The following PCNT variants were observed in gnomAD, a reference collection of about 807,000 sequenced individuals.
PCNT encodes the protein pericentrin, also known as kendrin.
PCNT carries 319 observed loss-of-function variants against 380.4 expected under a neutral mutation model. The observed-to-expected ratio is 0.84, with a 90% CI of 0.77 to 0.92. The LOEUF (loss-of-function observed/expected upper bound fraction) is 0.92. Among genes scored for constraint, PCNT ranks in the 40% least tolerant of loss-of-function variants. The pLI, the probability that PCNT is intolerant of heterozygous loss-of-function variation, is 0.00. For missense variants in PCNT, 4,400 were observed against 4,255.3 expected (o/e 1.03, Z -0.95); for synonymous variants, 1,845 against 1,735.2 (o/e 1.06, Z -1.57).
At position 46,367,158 on chromosome 21, in the gene PCNT, GC is replaced by G; in HGVS notation, c.3165+23del. 1 of 1,606,602 alleles carries G rather than the reference GC, an allele frequency of 6.2e-7. No individual in the cohort carries two copies. Among genetic ancestry groups the G allele is most frequent in the Non-Finnish European group, 8.5e-7 (1 of 1,177,600 alleles). On this transcript the variant is annotated intron_variant, in intron 15 of 46. Coordinates refer to ENST00000359568, the MANE Select transcript of PCNT (RefSeq NM_006031.6). ...GCACCAGGTAAGGCGCCAGGGCCCT[GC>G]CCCAGCCCAGGGCAGGCCTCTCCTC...
chr21:46,387,836 C>T (rs747816060), intron 17 of PCNT, among the ~76,000 whole-genome samples: 15 of 152,164 alleles, frequency 9.9e-5, no homozygotes, highest in Non-Finnish European at 2.2e-4. Flanking sequence ...CTGTCCTCAG[C>T]GGCGTCACAG....
intron 41 of PCNT, 81 bp downstream of exon 41, chr21:46,438,418 G>A: frequency 7.6e-7 from 1 of 1,322,632 alleles, no homozygotes; most frequent in Non-Finnish European, 1.1e-6. Flanking sequence ...AAGAGGCCGG[G>A]CTCCCTTTAG....
chr21:46,378,489 C>G (rs904049530), intron 15 of PCNT, among the ~76,000 whole-genome samples: 1 of 152,180 alleles, frequency 6.6e-6, no homozygotes, highest in African/African-American at 2.4e-5. Context: ...CACCGAGATG[C>G]CTGCGTGTGG....
chr21:46,346,291 G>T, intron 4 of PCNT, 83 bp downstream of exon 4: 1 of 701,828 alleles, frequency 1.4e-6, no homozygotes, highest in Non-Finnish European at 2.5e-6. Context: ...GTGGGGGTGG[G>T]GTGGGCGCTG....
At chr21:46,389,139 C>T (rs953238131) in intron 18 of PCNT, 60 bp from the exon 19 acceptor site, 18 of 1,529,120 alleles carry the variant, frequency 1.2e-5, no homozygotes, top group Non-Finnish European at 1.4e-5. Flanking sequence ...GTCTTGGCTG[C>T]CATGGCCGCG....
At position 46,326,422 on chromosome 21, in the gene PCNT, T is replaced by G; in HGVS notation, c.100T>G (p.Ser34Ala). The G allele has an allele frequency of 6.2e-7, 1 of 1,614,212 alleles. No individual in the cohort carries two copies. The highest frequency in any genetic ancestry group is 8.5e-7 in the Non-Finnish European group (1 of 1,180,038). ...AAAAACAAAAGGTGACAGTTCGCATTCGGAGAAAAAGACGGCGAAGAGGAA... is the reference window on the plus strand; with the variant it reads ...AAAAACAAAAGGTGACAGTTCGCATGCGGAGAAAAAGACGGCGAAGAGGAA... ...QRKTKGDSSH[S>A]EKKTAKRKGS... The change falls in exon 2 of 47, where the codon TCG becomes GCG. Residue 34 changes from serine (S) to alanine (A), a missense_variant. Transcript: ENST00000359568.
intron 36 of PCNT, 86 bp downstream of exon 36, chr21:46,430,318 C>G (rs2087696237): frequency 6.9e-7 from 1 of 1,439,286 alleles, no homozygotes; most frequent in African/African-American, 1.4e-5. Flanking sequence ...GACAGAACCT[C>G]TGGTGGGCCG....
intron 25 of PCNT, 65 bp downstream of exon 25, chr21:46,399,861 T>G: frequency 7.1e-7 from 1 of 1,407,602 alleles, no homozygotes; most frequent in Non-Finnish European, 1.0e-6. Flanking sequence ...GCTTCATCGC[T>G]GAGCTGGCAG....
chr21:46,445,473 C>T lies in PCNT; in HGVS notation c.*146C>T. The T allele has an allele frequency of 1.3e-6, 1 of 751,040 alleles. No individual in the cohort carries two copies. The highest frequency in any genetic ancestry group is 2.4e-6 in the Non-Finnish European group (1 of 409,472). 46.5% of individuals were successfully genotyped at this position (751,040 alleles called of 1,614,324 possible). On this transcript the variant is annotated 3_prime_UTR_variant, in exon 47 of 47. Transcript: ENST00000359568. ...CCCCCAGATGCCTTGAATTAAGTGT[C>T]CTCACCTTTATGCATGACTGCAAAG...
At chr21:46,386,261 C>T (rs1177697455) in intron 17 of PCNT, among the ~76,000 whole-genome samples, 2 of 152,338 alleles carry the variant, frequency 1.3e-5, no homozygotes, top group South Asian at 2.1e-4. Context: ...TAAAACCAGC[C>T]GTTATCTCCC....
intron 15 of PCNT, among the ~76,000 whole-genome samples, chr21:46,375,578 G>T (rs1408048714): frequency 1.3e-5 from 2 of 151,184 alleles, no homozygotes; most frequent in Non-Finnish European, 3.0e-5. Context: ...CTGCCAGGGG[G>T]TTGCAGGAAG....
chr21:46,422,140 GC>G lies in PCNT; in HGVS notation c.7179+17del. 6.2e-7 allele frequency: 1 copy of G among 1,612,854 alleles called. No individual in the cohort carries two copies. ...GCACGTGAAGGTATGGCTGGCAGGGGCGGCCCTCACAGCTTCACATGTGCAG... is the reference window on the plus strand; with the variant it reads ...GCACGTGAAGGTATGGCTGGCAGGGGGGCCCTCACAGCTTCACATGTGCAG... On this transcript the variant is annotated intron_variant, in intron 32 of 46. Coordinates refer to ENST00000359568, the MANE Select transcript of PCNT (RefSeq NM_006031.6).
chr21:46,346,755 C>T lies in PCNT; in HGVS notation c.733C>T (p.Leu245Phe). 3 of 1,598,158 alleles carry T rather than the reference C, an allele frequency of 1.9e-6. No individual in the cohort carries two copies. Among genetic ancestry groups the T allele is most frequent in the Non-Finnish European group, 2.6e-6 (3 of 1,173,542 alleles). The change falls in exon 5 of 47, where the codon CTT (leucine) becomes TTT (phenylalanine). Residue 245 changes from leucine (L) to phenylalanine (F), a missense_variant. Physicochemically the swap from Leu to Phe is conservative, Grantham distance 22 (BLOSUM62 0). Coordinates refer to ENST00000359568, the MANE Select transcript of PCNT (RefSeq NM_006031.6). ...TTCTCCGCCGCAGGCCGTGCATGGCCTTGAGCTGGAGGCGCTGCGCCTGAG... is the reference window on the plus strand; with the variant it reads ...TTCTCCGCCGCAGGCCGTGCATGGCTTTGAGCTGGAGGCGCTGCGCCTGAG... ...GLHQSQAVHG[L>F]ELEALRLSLS...
rs371296160 is a variant in PCNT, at chr21:46,355,480, T to C, written c.1790T>C (p.Leu597Ser). 22 of 1,614,006 alleles carry C rather than the reference T, an allele frequency of 1.4e-5. 1 individual carries two copies. In the South Asian group the frequency reaches 1.5e-4, roughly 11 times the overall value. Reference sequence around the variant, plus strand: ...AGCCTGCCACGCTTCCAGGCGGAGTTAGAAGAAAGCCACAGGCACCAGCTG... The same window carrying C: ...AGCCTGCCACGCTTCCAGGCGGAGTCAGAAGAAAGCCACAGGCACCAGCTG... Reference protein sequence around the residue: ...KESLPRFQAELEESHRHQLEA... With the variant: ...KESLPRFQAESEESHRHQLEA... The change falls in exon 12 of 47, where the codon TTA (leucine) becomes TCA (serine). Residue 597 changes from leucine (L) to serine (S), a missense_variant. Transcript: ENST00000359568.
rs202098989 is a variant in PCNT at position 46,416,013 on chromosome 21, T to C, written c.6151-56T>C. The C allele has an allele frequency of 2.4e-4, 385 of 1,576,440 alleles. 2 individuals are homozygous for C. The highest frequency in any genetic ancestry group is 1.0e-4 in the Admixed American group (6 of 59,776). On this transcript the variant is annotated intron_variant, in intron 29 of 46. Transcript: ENST00000359568. ...AATCCACTCATTAACACCAGACAGG[T>C]GCGACTCCTGGTGAGCCAGGTATTC...
At chr21:46,417,527 G>T (rs2087080204) in intron 30 of PCNT, among the ~76,000 whole-genome samples, 1 of 143,096 alleles carries the variant, frequency 7.0e-6, no homozygotes, top group Non-Finnish European at 1.5e-5. Flanking sequence ...TTTCACATAT[G>T]CTAATTAATT....
rs540513201 is a variant in PCNT at position 46,333,272 on chromosome 21, A to G, written c.268-1125A>G. On this transcript the variant is annotated intron_variant, in intron 2 of 46. Transcript: ENST00000359568. Reference sequence around the variant, plus strand: ...CATGGTGAAACCCCGATTCTACTAAAAATACAAAAATTAGCTGGGCATGGT... The same window carrying G: ...CATGGTGAAACCCCGATTCTACTAAGAATACAAAAATTAGCTGGGCATGGT... Among the ~76,000 whole-genome samples, 7 of 152,038 alleles carry G rather than the reference A, an allele frequency of 4.6e-5. No individual in the cohort carries two copies. The South Asian group carries it at 1.2e-3, about 27-fold the overall frequency.
chr21:46,355,194 T>G (rs2084427306), intron 11 of PCNT, among the ~76,000 whole-genome samples: 1 of 152,090 alleles, frequency 6.6e-6, no homozygotes, highest in Non-Finnish European at 1.5e-5. Flanking sequence ...CCTGCCGCCC[T>G]GAGGAGCACC....
At chr21:46,437,341 G>A (rs1157212235) in intron 40 of PCNT, among the ~76,000 whole-genome samples, 3 of 151,478 alleles carry the variant, frequency 2.0e-5, no homozygotes, top group Non-Finnish European at 4.4e-5. Context: ...GTGACTGTGT[G>A]GTCTTCGGGG....
Sources: gnomAD v4.1 joint callset for allele counts (sites outside exome capture counted in the v4.1 genomes callset) on GRCh38, gnomAD v4.1.1 for gene constraint, MANE v1.5 for transcripts, NCBI Gene and HGNC (gene_info 2026-07-23, HGNC 2026-07-21) for gene names.